WDR72: variants seen among roughly 807,000 people sequenced by gnomAD.
The protein encoded by WDR72 is WD repeat domain 72.
In WDR72, 120 loss-of-function variants were observed where a neutral mutation model predicts 124.2. The observed-to-expected ratio is 0.97, with a 90% confidence interval of 0.83 to 1.12. The LOEUF is 1.12. Among genes scored for constraint, WDR72 ranks in the 50% most tolerant of loss-of-function variants. WDR72 has a pLI of 0.00. For missense variants in WDR72, 1,387 were observed against 1,278.8 expected (o/e 1.08, Z -1.29); for synonymous variants, 452 against 441.7 (o/e 1.02, Z -0.29).
Position 53,712,878 on chromosome 15 carries a change from A to G in WDR72, c.605T>C (p.Val202Ala), listed in dbSNP as rs1409002623. ...AAGAAACTTGGATTCTTTTTCATAG[A>G]CATCTTGCTTTTCCTTCAAAAGGAA... is the stretch of plus-strand genomic sequence containing the variant. ...SINSIQEKQDVYEKESKFLES... is the reference protein window; with the variant it reads ...SINSIQEKQDAYEKESKFLES... Residue 202 changes from valine to alanine, a missense_variant, in exon 7 of 20, where the codon GTC becomes GCC. Transcript: ENST00000360509. 2 of 1,613,536 alleles carry G rather than the reference A, an allele frequency of 1.2e-6. No individual in the cohort carries two copies. Among genetic ancestry groups the G allele is most frequent in the Non-Finnish European group, 1.7e-6 (2 of 1,179,796 alleles).
intron 18 of WDR72, among the ~76,000 whole-genome samples, chr15:53,590,277 A>G (rs76795074): frequency 0.016 from 2,420 of 152,098 alleles, 72 homozygotes; most frequent in African/African-American, 0.056. Context: ...TTTAGCATTT[A>G]CCAGATGGCT....
chr15:53,757,621 T>TCAA lies in WDR72; in HGVS notation c.-13+2009_-13+2011dup, dbSNP rs202036323. Among the ~76,000 whole-genome samples, 1,186 of 149,870 alleles carry TCAA rather than the reference T, an allele frequency of 7.9e-3. 21 individuals carry two copies. Among genetic ancestry groups the TCAA allele is most frequent in the African/African-American group, 0.026 (1,079 of 40,796 alleles). ...CTGGGAGACAGAGTGAGACTCCATC[T>TCAA]CAACAACAACAACAACAACAAAAAA... is the stretch of plus-strand genomic sequence containing the variant. On this transcript the variant is annotated intron_variant, in intron 1 of 19. Coordinates refer to ENST00000360509, the MANE Select transcript of WDR72 (RefSeq NM_182758.4).
intron 1 of WDR72, among the ~76,000 whole-genome samples, chr15:53,735,086 C>A (rs977954464): frequency 3.9e-5 from 6 of 151,924 alleles, no homozygotes; most frequent in African/African-American, 1.5e-4. Flanking sequence ...TTGAACCCAG[C>A]AGTTCAGGAC....
chr15:53,566,523 G>A (rs567096942), intron 18 of WDR72, among the ~76,000 whole-genome samples: 21 of 152,052 alleles, frequency 1.4e-4, no homozygotes, highest in African/African-American at 4.6e-4. Flanking sequence ...GATATCTACT[G>A]CCTGGGAGGT....
At chr15:53,735,566 C>T (rs1024719634) in intron 1 of WDR72, among the ~76,000 whole-genome samples, 1 of 152,088 alleles carries the variant, frequency 6.6e-6, no homozygotes, top group Non-Finnish European at 1.5e-5. Context: ...TATGTATACA[C>T]ACAAATATTA....
chr15:53,736,802 G>C (rs1354782779), intron 1 of WDR72, among the ~76,000 whole-genome samples: 1 of 152,056 alleles, frequency 6.6e-6, no homozygotes, highest in East Asian at 1.9e-4. Flanking sequence ...CAGAGGACAG[G>C]GTAGCACGTT....
At chr15:53,605,007 T>C (rs1351176230) in intron 17 of WDR72, among the ~76,000 whole-genome samples, 1 of 152,170 alleles carries the variant, frequency 6.6e-6, no homozygotes, top group Non-Finnish European at 1.5e-5. Context: ...CAAAGGAATA[T>C]AAATCATTCT....
At chr15:53,522,961 T>C (rs546625961) in intron 19 of WDR72, among the ~76,000 whole-genome samples, 1 of 152,070 alleles carries the variant, frequency 6.6e-6, no homozygotes, top group Non-Finnish European at 1.5e-5. Context: ...TAGCCTAAAA[T>C]TGATGATAAT....
At chr15:53,561,307 GA>G (rs1417481482) in intron 18 of WDR72, among the ~76,000 whole-genome samples, 1 of 151,346 alleles carries the variant, frequency 6.6e-6, no homozygotes, top group African/African-American at 2.4e-5. Flanking sequence ...ACTTCCTGAG[GA>G]AAAAAGCAAA....
At chr15:53,630,972 C>CA (rs200723897) in intron 14 of WDR72, among the ~76,000 whole-genome samples, 17 of 151,834 alleles carry the variant, frequency 1.1e-4, no homozygotes, top group East Asian at 3.9e-4. Context: ...AAGGTATCCA[C>CA]AAAAAAAACC....
At chr15:53,575,335 C>A (rs2140310885) in intron 18 of WDR72, among the ~76,000 whole-genome samples, 1 of 152,206 alleles carries the variant, frequency 6.6e-6, no homozygotes, top group Admixed American at 6.5e-5. Flanking sequence ...TAACTGGATG[C>A]TGACACTTTA....
intron 13 of WDR72, among the ~76,000 whole-genome samples, chr15:53,694,410 G>A (rs146396583): frequency 7.6e-4 from 116 of 152,218 alleles, no homozygotes; most frequent in African/African-American, 2.7e-3. Context: ...AATTTGCTGC[G>A]GCTAATCTGT....
chr15:53,725,734 T>C (rs1191347322), intron 2 of WDR72, among the ~76,000 whole-genome samples: 3 of 152,034 alleles, frequency 2.0e-5, no homozygotes, highest in Non-Finnish European at 4.4e-5. Context: ...TATACGACAT[T>C]GTGGAAAAGG....
intron 14 of WDR72, among the ~76,000 whole-genome samples, chr15:53,663,091 A>C (rs1595829122): frequency 6.8e-6 from 1 of 148,038 alleles, no homozygotes; most frequent in South Asian, 2.2e-4. Flanking sequence ...CCTGCCTCTA[A>C]AAATAAATAA....
At chr15:53,588,336 A>C (rs1025816280) in intron 18 of WDR72, among the ~76,000 whole-genome samples, 2 of 152,062 alleles carry the variant, frequency 1.3e-5, no homozygotes, top group Admixed American at 1.3e-4. Flanking sequence ...TTGGGAAAGA[A>C]AGGCAAATAA....
chr15:53,643,705 G>T (rs2140415786), intron 14 of WDR72, among the ~76,000 whole-genome samples: 1 of 152,068 alleles, frequency 6.6e-6, no homozygotes, highest in African/African-American at 2.4e-5. Context: ...GTTTGCTTAA[G>T]TTAAAAACTG....
rs369568228 is a variant in WDR72, at chr15:53,701,559, T to TCTCTCA, written c.1569+574_1569+575insTGAGAG. On this transcript the variant is annotated intron_variant, in intron 12 of 19. Transcript: ENST00000360509. ...CTGTCTCTCTCTCTCTCTCTCTCTCTCACACACACACACACACACACACAC... is the reference window on the plus strand; with the variant it reads ...CTGTCTCTCTCTCTCTCTCTCTCTCTCTCTCACACACACACACACACACACACACAC... Among the ~76,000 whole-genome samples the TCTCTCA allele has an allele frequency of 2.3e-3, 282 of 120,154 alleles. 1 individual carries two copies. Among genetic ancestry groups the TCTCTCA allele is most frequent in the Middle Eastern group, 8.6e-3 (2 of 232 alleles). 78.8% of individuals were successfully genotyped at this position (120,154 alleles called of 152,430 possible).
At chr15:53,692,369 G>T (rs777009951) in intron 13 of WDR72, among the ~76,000 whole-genome samples, 15 of 152,104 alleles carry the variant, frequency 9.9e-5, no homozygotes, top group Non-Finnish European at 1.9e-4. Flanking sequence ...ATGGAGAGAA[G>T]GAGTTAAGGA....
chr15:53,683,320 T>C (rs2016466831), intron 13 of WDR72, among the ~76,000 whole-genome samples: 2 of 152,140 alleles, frequency 1.3e-5, no homozygotes, highest in Admixed American at 1.3e-4. Context: ...ATACATGTCA[T>C]AGTAGCTAGA....
Sources: allele counts gnomAD v4.1 joint callset (sites outside exome capture counted in the v4.1 genomes callset), GRCh38; gene constraint gnomAD v4.1.1; transcripts MANE v1.5; gene names NCBI Gene and HGNC (gene_info 2026-07-23, HGNC 2026-07-21).